SBF2: variants seen among roughly 807,000 people sequenced by gnomAD.
The protein encoded by SBF2 is SET binding factor 2, also known as myotubularin-related protein 13.
SBF2 carries 112 observed loss-of-function variants against 225.2 expected under a neutral mutation model. That is an observed-to-expected ratio of 0.50 (90% CI 0.43 to 0.58). The LOEUF (loss-of-function observed/expected upper bound fraction) is 0.58. Ranked by LOEUF, SBF2 falls within the 20% of genes least tolerant of loss-of-function variation. The probability of loss-of-function intolerance (pLI) is 0.00; values close to 1 mark genes in which losing one functional copy is unlikely to be tolerated. For synonymous variants in SBF2, 763 were observed against 773.3 expected, an observed-to-expected ratio of 0.99 and a Z score of 0.22; for missense variants, 1,996 against 2,206.2, an observed-to-expected ratio of 0.90 and a Z score of 1.91.
intron 16 of SBF2, among the ~76,000 whole-genome samples, chr11:9,955,743 A>G (rs1355681979): frequency 1.3e-5 from 2 of 152,098 alleles, no homozygotes; most frequent in Non-Finnish European, 2.9e-5. Flanking sequence ...GAAGAATGAT[A>G]CAATGAACAC....
intron 16 of SBF2, among the ~76,000 whole-genome samples, chr11:9,947,418 A>G (rs938002736): frequency 6.6e-6 from 1 of 152,244 alleles, no homozygotes; most frequent in Admixed American, 6.5e-5. Flanking sequence ...CTAATCTTTT[A>G]GCTGACTCAG....
At chr11:9,828,558 C>T (rs1203018105) in intron 28 of SBF2, 1 of 985,306 alleles carries the variant, frequency 1.0e-6, no homozygotes, top group Non-Finnish European at 1.2e-6. Context: ...ACCAACTTCT[C>T]AAGTCACATG....
chr11:10,198,726 C>G (rs973776626), intron 1 of SBF2, among the ~76,000 whole-genome samples: 1 of 152,218 alleles, frequency 6.6e-6, no homozygotes, highest in Non-Finnish European at 1.5e-5. Context: ...TTAGCTAGAT[C>G]TTCTGCATAA....
chr11:10,294,750 G>C (rs868086740), upstream of SBF2, among the ~76,000 whole-genome samples: 1 of 152,200 alleles, frequency 6.6e-6, no homozygotes, highest in Non-Finnish European at 1.5e-5. Context: ...TTCAATGCCG[G>C]GTGGGCCGGG....
chr11:10,255,131 C>A (rs1649837155), intron 1 of SBF2, among the ~76,000 whole-genome samples: 1 of 151,810 alleles, frequency 6.6e-6, no homozygotes, highest in African/African-American at 2.4e-5. Flanking sequence ...CATAAAACTT[C>A]AGTTAGCCAA....
Position 10,029,808 on chromosome 11 carries a change from G to T in SBF2, c.470C>A (p.Ala157Glu). Residue 157 changes from alanine to glutamate, a missense_variant, in exon 5 of 40, where the codon GCA becomes GAA. By Grantham distance (107) the Ala-to-Glu change is moderately radical. Transcript: ENST00000256190. ...TGGGACAAGGCAGGCACAAAGGTTTGCAATTAGACTTTCCAAGGAGACATT... is the reference window on the plus strand; with the variant it reads ...TGGGACAAGGCAGGCACAAAGGTTTTCAATTAGACTTTCCAAGGAGACATT... ...SLNVSLESLI[A>E]NLCACLVPAA... is the part of the protein sequence containing the mutation. 1 of 1,613,924 alleles carries T rather than the reference G, an allele frequency of 6.2e-7. No homozygotes were observed. Among genetic ancestry groups the T allele is most frequent in the Admixed American group, 1.7e-5 (1 of 60,012 alleles).
chr11:10,015,076 G>C (rs1948601669), intron 6 of SBF2, among the ~76,000 whole-genome samples: 1 of 152,202 alleles, frequency 6.6e-6, no homozygotes, highest in Non-Finnish European at 1.5e-5. Context: ...CGAGGCTACA[G>C]TGAGCTGAGT....
intron 17 of SBF2, among the ~76,000 whole-genome samples, chr11:9,888,297 G>C (rs1860503078): frequency 6.6e-6 from 1 of 152,116 alleles, no homozygotes; most frequent in Non-Finnish European, 1.5e-5. Flanking sequence ...AGGAGTTTGA[G>C]ACCAGCCTGG....
intron 28 of SBF2, chr11:9,828,403 T>C (rs984888631): frequency 2.0e-6 from 2 of 985,282 alleles, no homozygotes; most frequent in African/African-American, 3.5e-5. Context: ...AACACACATT[T>C]GCAAGATTAT....
At chr11:10,029,900 T>C in intron 4 of SBF2, 25 bp from the exon 5 acceptor site, 1 of 1,433,382 alleles carries the variant, frequency 7.0e-7, no homozygotes, top group South Asian at 1.1e-5. Flanking sequence ...ATACATGTAA[T>C]TATTTCATGG....
At chr11:9,930,749 G>A (rs1255722144) in intron 16 of SBF2, among the ~76,000 whole-genome samples, 1 of 152,224 alleles carries the variant, frequency 6.6e-6, no homozygotes, top group Non-Finnish European at 1.5e-5. Flanking sequence ...GGGACTGGTT[G>A]GACAGTGGGT....
At chr11:10,288,628 T>C (rs1963952755) in intron 1 of SBF2, among the ~76,000 whole-genome samples, 1 of 151,960 alleles carries the variant, frequency 6.6e-6, no homozygotes, top group Non-Finnish European at 1.5e-5. Flanking sequence ...TGCAGGCAGA[T>C]TGTCCCATCA....
intron 2 of SBF2, among the ~76,000 whole-genome samples, chr11:10,043,281 A>G (rs1424482941): frequency 6.6e-6 from 1 of 152,180 alleles, no homozygotes; most frequent in Admixed American, 6.5e-5. Flanking sequence ...GACATCCCCC[A>G]ACTATGAGAA....
chr11:10,137,380 C>T (rs1954426905), intron 2 of SBF2, among the ~76,000 whole-genome samples: 1 of 152,128 alleles, frequency 6.6e-6, no homozygotes, highest in African/African-American at 2.4e-5. Context: ...ATCTGCATGT[C>T]CTTTATTTCC....
At chr11:9,841,762 G>A (rs1856171192) in intron 25 of SBF2, among the ~76,000 whole-genome samples, 1 of 152,086 alleles carries the variant, frequency 6.6e-6, no homozygotes, top group African/African-American at 2.4e-5. Flanking sequence ...TCGAACTCCT[G>A]GCCTCAAGTG....
intron 16 of SBF2, among the ~76,000 whole-genome samples, chr11:9,907,216 G>C (rs906055387): frequency 2.6e-5 from 4 of 151,906 alleles, no homozygotes; most frequent in African/African-American, 9.7e-5. Context: ...GACCATTATA[G>C]AATAATGACC....
chr11:9,876,656 A>C (rs1007105393), intron 17 of SBF2, among the ~76,000 whole-genome samples: 1 of 152,228 alleles, frequency 6.6e-6, no homozygotes, highest in African/African-American at 2.4e-5. Context: ...ATCTTGAGAA[A>C]ATAAATTTCT....
At chr11:10,112,763 A>G (rs987548921) in intron 2 of SBF2, among the ~76,000 whole-genome samples, 2 of 152,346 alleles carry the variant, frequency 1.3e-5, no homozygotes, top group East Asian at 1.9e-4. Flanking sequence ...TCTTTAAATT[A>G]TAAGTGCATT....
chr11:9,828,590 G>A, intron 28 of SBF2: 1 of 985,286 alleles, frequency 1.0e-6, no homozygotes, highest in Non-Finnish European at 1.2e-6. Context: ...AACACATTAG[G>A]GTTACCTCTA....
Sources: allele counts gnomAD v4.1 joint callset (sites outside exome capture counted in the v4.1 genomes callset), GRCh38; gene constraint gnomAD v4.1.1; transcripts MANE v1.5; gene names NCBI Gene and HGNC (gene_info 2026-07-23, HGNC 2026-07-21).